Variants in UNKL observed in about 807,000 individuals in gnomAD.
UNKL encodes the protein unk like zinc finger, also known as putative E3 ubiquitin-protein ligase UNKL.
A neutral mutation model predicts 78.0 loss-of-function variants in UNKL; 60 were observed. The observed-to-expected ratio is 0.77, with a 90% CI of 0.63 to 0.95. The LOEUF (loss-of-function observed/expected upper bound fraction) is 0.95, where lower values mean the gene tolerates loss of function less well. Among genes scored for constraint, UNKL ranks in the 40% least tolerant of loss-of-function variants. UNKL has a pLI of 0.00. For missense variants in UNKL, 1,159 were observed against 1,045.7 expected (o/e 1.11, Z -1.49); for synonymous variants, 608 against 474.8 (o/e 1.28, Z -3.65).
At chr16:1,378,473 G>A (rs933008315) in intron 10 of UNKL, among the ~76,000 whole-genome samples, 2 of 152,224 alleles carry the variant, frequency 1.3e-5, no homozygotes, top group African/African-American at 4.8e-5. Flanking sequence ...TGGGGGACAG[G>A]AACGGAGGCG....
At chr16:1,369,829 G>C in intron 12 of UNKL, 1 of 942,174 alleles carries the variant, frequency 1.1e-6, no homozygotes, top group Non-Finnish European at 1.6e-6. Flanking sequence ...ACAAAAACTA[G>C]CTGGGCGTGG....
At chr16:1,371,195 G>C (rs572519013) in intron 11 of UNKL, among the ~76,000 whole-genome samples, 1 of 152,276 alleles carries the variant, frequency 6.6e-6, no homozygotes, top group African/African-American at 2.4e-5. Context: ...GGCCCCGCCT[G>C]TCTCTGCGCG....
intron 10 of UNKL, chr16:1,379,773 T>C: frequency 3.5e-6 from 3 of 855,504 alleles, no homozygotes; most frequent in Non-Finnish European, 4.2e-6. Flanking sequence ...CCCCCCGCGC[T>C]GCCCTCCCCC....
chr16:1,409,922 A>C (rs1251259053), intron 2 of UNKL, among the ~76,000 whole-genome samples: 1 of 151,960 alleles, frequency 6.6e-6, no homozygotes, highest in African/African-American at 2.4e-5. Flanking sequence ...TCTACTAAAA[A>C]CACAAAAATT....
chr16:1,384,683 C>T (rs531009782), intron 10 of UNKL, among the ~76,000 whole-genome samples: 31 of 152,232 alleles, frequency 2.0e-4, no homozygotes, highest in African/African-American at 5.1e-4. Context: ...ACTGCAGCCT[C>T]GACCTCCTGG....
In UNKL at chr16:1,366,944, G is replaced by A. The variant is rs1273703306; in HGVS notation, c.2046+148C>T. The stretch of plus-strand genomic sequence containing the variant: ...GGAGGCCACAGGGGGCTGTGCTGGG[G>A]TGGGGCACCGTCTCCTCCTCCCTAG... On this transcript the variant is annotated intron_variant, in intron 14 of 14. Coordinates refer to ENST00000389221, the MANE Select transcript of UNKL (RefSeq NM_001372107.1). 1.1e-5 allele frequency: 14 copies of A among 1,233,350 alleles called. No homozygotes were observed. The East Asian group carries it at 2.9e-4, about 25-fold the overall frequency. 76.4% of individuals were successfully genotyped at this position (1,233,350 alleles called of 1,614,324 possible). A position where few individuals can be genotyped will look rare whatever the true frequency, so the allele number is the denominator to read the frequency against.
Position 1,414,072 on chromosome 16 carries a change from C to T in UNKL, c.78-17G>A, listed in dbSNP as rs1324845593. The T allele has an allele frequency of 6.6e-7, 1 of 1,524,548 alleles. No homozygotes were observed. The highest frequency in any genetic ancestry group is 8.9e-7 in the Non-Finnish European group (1 of 1,128,618). The allele number at this position is 1,524,548 out of a possible 1,614,324, so 94.4% of individuals were successfully genotyped here. On this transcript the variant is annotated splice_polypyrimidine_tract_variant and intron_variant, in intron 1 of 14. Coordinates refer to ENST00000389221, the MANE Select transcript of UNKL (RefSeq NM_001372107.1). Reference sequence around the variant, plus strand: ...TTCAGGTACCTACAAACACAGACAGCGCCGCGGCTCGCTTCCGGCAGCACC... The same window carrying T: ...TTCAGGTACCTACAAACACAGACAGTGCCGCGGCTCGCTTCCGGCAGCACC...
In UNKL at chr16:1,414,668, C is replaced by T. The variant is rs1361531704; in HGVS notation, c.24G>A (p.Ala8=). 1 of 1,152,590 alleles carries T rather than the reference C, an allele frequency of 8.7e-7. No homozygotes were observed. Among genetic ancestry groups the T allele is most frequent in the East Asian group, 6.4e-5 (1 of 15,628 alleles). 71.4% of individuals were successfully genotyped at this position (1,152,590 alleles called of 1,614,324 possible). Residue 8 remains alanine (A), a synonymous_variant, in exon 1 of 15, where the codon GCG becomes GCA. Transcript: ENST00000389221. ...GGGGGGACCCGCTCAGCGCCGCTGCCGCCGCTTTCGAAACCGACGGCATTT... is the reference window on the plus strand; with the variant it reads ...GGGGGGACCCGCTCAGCGCCGCTGCTGCCGCTTTCGAAACCGACGGCATTT... MPSVSKA[A]AAALSGSPPQ... is the part of the protein sequence containing the mutation.
chr16:1,382,310 G>T (rs1424113962), intron 10 of UNKL, among the ~76,000 whole-genome samples: 1 of 152,230 alleles, frequency 6.6e-6, no homozygotes, highest in African/African-American at 2.4e-5. Flanking sequence ...AAACAGGCCG[G>T]AGGGCGGAAG....
chr16:1,371,997 C>T (rs1345248860), intron 10 of UNKL, among the ~76,000 whole-genome samples: 1 of 152,138 alleles, frequency 6.6e-6, no homozygotes, highest in East Asian at 1.9e-4. Flanking sequence ...TGGCTCACAC[C>T]TGTAATCCCA....
intron 10 of UNKL, among the ~76,000 whole-genome samples, chr16:1,380,144 A>T (rs755852470): frequency 2.0e-5 from 3 of 152,254 alleles, no homozygotes; most frequent in Non-Finnish European, 4.4e-5. Flanking sequence ...ATGAAGTGTA[A>T]GATGAAGGAA....
intron 4 of UNKL, 32 bp downstream of exon 4, chr16:1,401,536 A>T (rs111930031): frequency 9.7e-6 from 14 of 1,438,346 alleles, no homozygotes; most frequent in Non-Finnish European, 1.2e-5. Flanking sequence ...CGCCCCCCCC[A>T]CCACCGCCCT....
chr16:1,367,555 C>T (rs1397567894), intron 13 of UNKL, 101 bp downstream of exon 13: 5 of 528,122 alleles, frequency 9.5e-6, no homozygotes, highest in Admixed American at 5.8e-5. Context: ...GAGTCACCTG[C>T]GGCCCTCCCT....
At chr16:1,401,153 G>A (rs932812151) in intron 4 of UNKL, among the ~76,000 whole-genome samples, 1 of 152,132 alleles carries the variant, frequency 6.6e-6, no homozygotes, top group Non-Finnish European at 1.5e-5. Flanking sequence ...ACCCCAGAGA[G>A]GCGCAGGGCT....
At chr16:1,370,435 G>A in intron 11 of UNKL, 78 bp from the exon 12 acceptor site, 6 of 1,488,022 alleles carry the variant, frequency 4.0e-6, no homozygotes, top group Non-Finnish European at 5.3e-6. Flanking sequence ...GGCAGCCGTG[G>A]AAGACGGACC....
At chr16:1,414,091 C>T (rs1205910558) in intron 1 of UNKL, 36 bp from the exon 2 acceptor site, 3 of 1,517,164 alleles carry the variant, frequency 2.0e-6, no homozygotes, top group East Asian at 2.5e-5. Context: ...TCGCTTCCGG[C>T]AGCACCTCCA....
At chr16:1,381,639 C>A (rs2036611047) in intron 10 of UNKL, among the ~76,000 whole-genome samples, 1 of 152,194 alleles carries the variant, frequency 6.6e-6, no homozygotes, top group Non-Finnish European at 1.5e-5. Context: ...AGAGGCCAGA[C>A]CCTCATGGAG....
rs1231333481 is a variant in UNKL, at chr16:1,364,840, T to A, written c.*1400A>T. 1 of 152,086 alleles carries A rather than the reference T, an allele frequency of 6.6e-6. No homozygotes were observed. Among genetic ancestry groups the A allele is most frequent in the Admixed American group, 6.5e-5 (1 of 15,270 alleles). 9.4% of individuals were successfully genotyped at this position (152,086 alleles called of 1,614,324 possible). ...CCCTGGCGCACACACGGCCCGAGCATCTCCCACACGAGCAGGACCAGGGTG... is the reference window on the plus strand; with the variant it reads ...CCCTGGCGCACACACGGCCCGAGCAACTCCCACACGAGCAGGACCAGGGTG... On this transcript the variant is annotated 3_prime_UTR_variant, in exon 15 of 15. Coordinates refer to ENST00000389221, the MANE Select transcript of UNKL (RefSeq NM_001372107.1).
In UNKL at chr16:1,401,596, C is replaced by T. The variant is rs935673902; in HGVS notation, c.570G>A (p.Lys190=). ...GVLASQAMIE[K]ILSEDPRWQD... The stretch of plus-strand genomic sequence containing the variant: ...GCCACCGGGGGTCCTCGCTCAGGAT[C>T]TTCTCAATCATGGCCTGGCTGGCCA... Residue 190 remains lysine, a synonymous_variant, in exon 4 of 15, where the codon AAG becomes AAA. Transcript: ENST00000389221. 6 of 1,602,880 alleles carry T rather than the reference C, an allele frequency of 3.7e-6. No individual in the cohort carries two copies. The highest frequency in any genetic ancestry group is 1.7e-6 in the Non-Finnish European group (2 of 1,174,506).
Sources: allele counts gnomAD v4.1 joint callset (sites outside exome capture counted in the v4.1 genomes callset), GRCh38; gene constraint gnomAD v4.1.1; transcripts MANE v1.5; gene names NCBI Gene and HGNC (gene_info 2026-07-23, HGNC 2026-07-21).